The following PHF8 variants were observed in gnomAD, a reference collection of about 807,000 sequenced individuals.
The protein encoded by PHF8 is histone lysine demethylase PHF8.
A neutral mutation model predicts 74.4 loss-of-function variants in PHF8; 9 were observed. The observed-to-expected ratio is 0.12, with a 90% confidence interval of 0.07 to 0.21. PHF8 has a LOEUF of 0.21. Among genes scored for constraint, PHF8 ranks in the 10% least tolerant of loss-of-function variants. The pLI, the probability that PHF8 is intolerant of heterozygous loss-of-function variation, is 1.00. For synonymous variants in PHF8, 311 were observed against 316.6 expected, an observed-to-expected ratio of 0.98 and a Z score of 0.19; for missense variants, 478 against 816.6, an observed-to-expected ratio of 0.59 and a Z score of 5.05.
intron 14 of PHF8, among the ~76,000 whole-genome samples, chrX:53,988,904 T>G (rs2149833269): frequency 9.0e-6 from 1 of 110,885 alleles, no homozygotes; most frequent in African/African-American, 3.3e-5. Context: ...TTTCACAGTA[T>G]AGATTTTATC....
chrX:53,974,012 C>A (rs1557095332), intron 18 of PHF8, among the ~76,000 whole-genome samples: 1 of 111,377 alleles, frequency 9.0e-6, no homozygotes, highest in Non-Finnish European at 1.9e-5. Context: ...GTAATCTCAG[C>A]ACTTTGGGGG....
rs782167176 is a variant in PHF8 at position 53,963,591 on chromosome X, TC to T, written c.2444-653del. On this transcript the variant is annotated intron_variant, in intron 18 of 21. Coordinates refer to ENST00000338154, the MANE Select transcript of PHF8 (RefSeq NM_015107.3). ...TGGGTGAAGGATATGAACAGACACT[TC>T]TCAAAAGAAGACATTTATCCAGCCA... is the stretch of plus-strand genomic sequence containing the variant. 1.9e-3 allele frequency among the ~76,000 whole-genome samples: 210 copies of T among 111,607 alleles called. 2 individuals are homozygous for T. In the South Asian group the frequency reaches 0.067, roughly 36 times the overall value.
chrX:53,980,717 G>A (rs975684502), intron 18 of PHF8, among the ~76,000 whole-genome samples: 10 of 112,163 alleles, frequency 8.9e-5, no homozygotes, highest in African/African-American at 2.6e-4. Flanking sequence ...ACTGTCCTCC[G>A]TATTAGCAAT....
At chrX:54,038,264 G>A (rs1041555975) in intron 2 of PHF8, among the ~76,000 whole-genome samples, 1 of 112,047 alleles carries the variant, frequency 8.9e-6, no homozygotes, top group Non-Finnish European at 1.9e-5. Flanking sequence ...TTCCTCCTGT[G>A]TTAGCTCACT....
upstream of PHF8, chrX:54,044,840 G>C (rs1569530544): frequency 8.9e-7 from 1 of 1,122,396 alleles, no homozygotes; most frequent in African/African-American, 1.8e-5. Flanking sequence ...GGCGGCGGGG[G>C]CGGGCTTCAG....
At chrX:53,973,889 T>C (rs1557095299) in intron 18 of PHF8, among the ~76,000 whole-genome samples, 1 of 111,726 alleles carries the variant, frequency 9.0e-6, no homozygotes. Context: ...TTTTGCAATA[T>C]ATCCATCTGG....
At chrX:53,976,422 C>T (rs2065377472) in intron 18 of PHF8, among the ~76,000 whole-genome samples, 1 of 111,114 alleles carries the variant, frequency 9.0e-6, no homozygotes, top group Admixed American at 9.6e-5. Flanking sequence ...AATAAAACTA[C>T]AGCAATCTTA....
rs371642567 is a variant in PHF8, at chrX:54,036,663, T to C, written c.98+5968A>G. ...GGAAAATGTAACATATTAAAATCTA[T>C]TGGTGCTGAGAAGAAACTTAACAGC... On this transcript the variant is annotated intron_variant, in intron 2 of 21. Transcript: ENST00000338154. Among the ~76,000 whole-genome samples, 11 of 104,233 alleles carry C rather than the reference T, an allele frequency of 1.1e-4. No individual in the cohort carries two copies. The South Asian group carries it at 3.1e-3, about 29-fold the overall frequency. The allele number at this position is 104,233 out of a possible 115,157, so 90.5% of individuals were successfully genotyped here.
intron 6 of PHF8, 68 bp downstream of exon 6, chrX:54,016,527 T>C: frequency 3.5e-6 from 3 of 858,642 alleles, no homozygotes; most frequent in Non-Finnish European, 5.2e-6. Context: ...AACACGAATA[T>C]ACACTAGATA....
rs2064708289 is a variant in PHF8 at position 53,938,974 on chromosome X, T to C, written c.*184A>G. 1 of 1,007,639 alleles carries C rather than the reference T, an allele frequency of 9.9e-7. No homozygotes were observed. Among genetic ancestry groups the C allele is most frequent in the Non-Finnish European group, 1.3e-6 (1 of 796,808 alleles). The allele number at this position is 1,007,639 out of a possible 1,213,427, so 83.0% of individuals were successfully genotyped here. A position where few individuals can be genotyped will look rare whatever the true frequency, so the allele number is the denominator to read the frequency against. On this transcript the variant is annotated 3_prime_UTR_variant, in exon 22 of 22. Transcript: ENST00000338154. ...GGAGAAGGCAGGCAGGATGCTCTAGTGAAAGTGGGGAAGGGAACTAGAAGG... is the reference window on the plus strand; with the variant it reads ...GGAGAAGGCAGGCAGGATGCTCTAGCGAAAGTGGGGAAGGGAACTAGAAGG...
intron 8 of PHF8, among the ~76,000 whole-genome samples, chrX:54,005,279 C>T (rs929670829): frequency 6.4e-5 from 7 of 109,448 alleles, no homozygotes; most frequent in African/African-American, 2.3e-4. Flanking sequence ...ACCAGCATGG[C>T]CAATATGGTG....
chrX:53,980,457 A>AC (rs2065462567), intron 18 of PHF8, among the ~76,000 whole-genome samples: 1 of 110,477 alleles, frequency 9.1e-6, no homozygotes, highest in East Asian at 2.8e-4. Flanking sequence ...AAGCAGAGAG[A>AC]CCTCAGGAAA....
chrX:54,013,646 C>T (rs945119492), intron 7 of PHF8, among the ~76,000 whole-genome samples: 4 of 110,039 alleles, frequency 3.6e-5, no homozygotes, highest in Non-Finnish European at 7.6e-5. Flanking sequence ...GGTGAAACCC[C>T]GTCTCTACTA....
At chrX:53,946,483 C>A in intron 19 of PHF8, among the ~76,000 whole-genome samples, 1 of 112,284 alleles carries the variant, frequency 8.9e-6, no homozygotes, top group South Asian at 3.7e-4. Context: ...AGACATTCTA[C>A]AAGATAAACT....
intron 8 of PHF8, among the ~76,000 whole-genome samples, chrX:54,007,758 G>C (rs1476591923): frequency 8.9e-6 from 1 of 111,920 alleles, no homozygotes; most frequent in African/African-American, 3.2e-5. Context: ...ATAAGCATTG[G>C]GGGAAGATGT....
chrX:54,005,583 C>A (rs1737842942), intron 8 of PHF8, among the ~76,000 whole-genome samples: 1 of 100,573 alleles, frequency 9.9e-6, no homozygotes, highest in Non-Finnish European at 2.0e-5. Context: ...AAGAAATCCA[C>A]ACCAAAAAAA....
chrX:54,010,154 C>T (rs1557106422), intron 8 of PHF8, among the ~76,000 whole-genome samples: 1 of 109,720 alleles, frequency 9.1e-6, no homozygotes, highest in Non-Finnish European at 1.9e-5. Flanking sequence ...AACCCCATCT[C>T]TACTAAAAAT....
intron 19 of PHF8, among the ~76,000 whole-genome samples, chrX:53,953,334 A>AGG (rs1569524458): frequency 4.6e-4 from 50 of 108,046 alleles, no homozygotes; most frequent in African/African-American, 1.5e-3. Context: ...AGATAAAAAA[A>AGG]AAAGGAATTA....
chrX:53,946,039 A>AG (rs1557085070), intron 19 of PHF8, among the ~76,000 whole-genome samples: 1 of 112,270 alleles, frequency 8.9e-6, no homozygotes, highest in East Asian at 2.8e-4. Context: ...CCATTTCAAA[A>AG]GGAAGTGTAT....
Sources: gnomAD v4.1 joint callset for allele counts (sites outside exome capture counted in the v4.1 genomes callset) on GRCh38, gnomAD v4.1.1 for gene constraint, MANE v1.5 for transcripts, NCBI Gene and HGNC (gene_info 2026-07-23, HGNC 2026-07-21) for gene names.